CDK5RAP2: variants seen among roughly 807,000 people sequenced by gnomAD.
CDK5RAP2 encodes CDK5 regulatory subunit associated protein 2.
In CDK5RAP2, 147 loss-of-function variants were observed where a neutral mutation model predicts 232.9. The ratio of observed to expected loss-of-function variants is 0.63; its 90% CI spans 0.55 to 0.72. The LOEUF is 0.72. CDK5RAP2 is among the 30% of genes least tolerant of loss of function. CDK5RAP2 has a pLI of 0.00. For missense variants in CDK5RAP2, 2,195 were observed against 2,231.5 expected (o/e 0.98, Z 0.33); for synonymous variants, 833 against 833.7 (o/e 1.00, Z 0.01).
intron 20 of CDK5RAP2, among the ~76,000 whole-genome samples, chr9:120,455,473 G>C (rs1170806711): frequency 6.6e-6 from 1 of 152,090 alleles, no homozygotes; most frequent in African/African-American, 2.4e-5. Flanking sequence ...AGGCATCATG[G>C]TTCATGCCTA....
chr9:120,500,090 C>T (rs1294284473), intron 12 of CDK5RAP2, among the ~76,000 whole-genome samples: 1 of 152,212 alleles, frequency 6.6e-6, no homozygotes, highest in Non-Finnish European at 1.5e-5. Flanking sequence ...CAACTTGGCT[C>T]TGCTCATCCT....
chr9:120,445,846 T>C (rs752298924), intron 22 of CDK5RAP2, among the ~76,000 whole-genome samples: 1 of 152,170 alleles, frequency 6.6e-6, no homozygotes, highest in Non-Finnish European at 1.5e-5. Flanking sequence ...TACCCTTGAC[T>C]CCAGACTCAT....
Position 120,403,708 on chromosome 9 carries a change from CCT to C in CDK5RAP2, c.5041+326_5041+327del. On this transcript the variant is annotated intron_variant, in intron 33 of 37. Transcript: ENST00000349780. The surrounding 1 kb of genome is among the most constrained non-coding windows in gnomAD (Gnocchi z 4.2). ...TGGGCCTGTCTGCAGGATGGTGACC[CCT>C]GTGTGGCTACACCAGGTTAAGGGAT... is the stretch of plus-strand genomic sequence containing the variant. 1 of 411,680 alleles carries C rather than the reference CCT, an allele frequency of 2.4e-6. No homozygotes were observed. The highest frequency in any genetic ancestry group is 4.6e-6 in the Non-Finnish European group (1 of 219,354). 25.5% of individuals were successfully genotyped at this position (411,680 alleles called of 1,614,324 possible).
intron 12 of CDK5RAP2, among the ~76,000 whole-genome samples, chr9:120,494,558 TAAC>T (rs2039064440): frequency 6.6e-6 from 1 of 152,160 alleles, no homozygotes; most frequent in South Asian, 2.1e-4. Context: ...TAATGGCTTA[TAAC>T]TTATAGAGTA....
intron 3 of CDK5RAP2, among the ~76,000 whole-genome samples, chr9:120,553,723 G>A (rs2042127593): frequency 6.6e-6 from 1 of 152,054 alleles, no homozygotes; most frequent in African/African-American, 2.4e-5. Flanking sequence ...TGATTTGTGG[G>A]TATGCCTGCA....
intron 7 of CDK5RAP2, among the ~76,000 whole-genome samples, chr9:120,530,826 G>A (rs1162389907): frequency 1.5e-5 from 2 of 135,538 alleles, no homozygotes; most frequent in Non-Finnish European, 3.1e-5. Context: ...TTGGACACAG[G>A]AAGGGGAACA....
At chr9:120,498,718 A>AAT (rs145678067) in intron 12 of CDK5RAP2, among the ~76,000 whole-genome samples, 3,922 of 147,130 alleles carry the variant, frequency 0.027, 59 homozygotes, top group African/African-American at 0.043. Context: ...AAAGGCTTTA[A>AAT]ATATATATAT....
chr9:120,432,916 T>G (rs963453183), intron 25 of CDK5RAP2, among the ~76,000 whole-genome samples: 3 of 152,184 alleles, frequency 2.0e-5, no homozygotes, highest in African/African-American at 7.2e-5. Context: ...AGGACCCAGA[T>G]AGTTCTCCAC....
chr9:120,535,508 T>C (rs1162427203), intron 7 of CDK5RAP2, among the ~76,000 whole-genome samples: 2 of 152,266 alleles, frequency 1.3e-5, no homozygotes, highest in African/African-American at 4.8e-5. Flanking sequence ...ACAGATCATT[T>C]GCTTTAGAAC....
intron 20 of CDK5RAP2, among the ~76,000 whole-genome samples, chr9:120,455,736 CAAAA>C (rs774549079): frequency 7.6e-6 from 1 of 131,508 alleles, no homozygotes; most frequent in Non-Finnish European, 1.7e-5. Context: ...AACCTTGTGT[CAAAA>C]AAAAAAAAAA....
intron 3 of CDK5RAP2, among the ~76,000 whole-genome samples, chr9:120,557,976 G>A (rs1483579432): frequency 6.7e-6 from 1 of 149,254 alleles, no homozygotes; most frequent in Non-Finnish European, 1.5e-5. Context: ...ATGTTGGCCA[G>A]GCTGATCTCG....
At chr9:120,503,998 T>A (rs1209281688) in intron 12 of CDK5RAP2, among the ~76,000 whole-genome samples, 1 of 152,182 alleles carries the variant, frequency 6.6e-6, no homozygotes, top group Non-Finnish European at 1.5e-5. Context: ...GTGCTTTTCA[T>A]GGCCAAGAGT....
chr9:120,400,218 C>A (rs1254137527), intron 35 of CDK5RAP2, among the ~76,000 whole-genome samples: 1 of 152,176 alleles, frequency 6.6e-6, no homozygotes, highest in Non-Finnish European at 1.5e-5. Context: ...CTCTGCCTGA[C>A]TCCTGGTTTG....
At chr9:120,574,990 G>A (rs1385300752) in intron 1 of CDK5RAP2, among the ~76,000 whole-genome samples, 2 of 152,010 alleles carry the variant, frequency 1.3e-5, no homozygotes, top group East Asian at 1.9e-4. Context: ...GTTAAGGGCC[G>A]AATGGACTGA....
chr9:120,495,811 A>G (rs1190018859), intron 12 of CDK5RAP2, among the ~76,000 whole-genome samples: 11 of 38,224 alleles, frequency 2.9e-4, no homozygotes, highest in East Asian at 1.3e-3. Flanking sequence ...TGGGGGGGTC[A>G]GCCCCCCGCC....
At chr9:120,570,498 C>T (rs906718421) in intron 2 of CDK5RAP2, among the ~76,000 whole-genome samples, 3 of 152,182 alleles carry the variant, frequency 2.0e-5, no homozygotes, top group Non-Finnish European at 4.4e-5. Flanking sequence ...AATTTTAGCA[C>T]TGAGCCCAGA....
Position 120,458,630 on chromosome 9 carries a change from T to C in CDK5RAP2, c.2203-8A>G, listed in dbSNP as rs371141302. 35 of 1,613,430 alleles carry C rather than the reference T, an allele frequency of 2.2e-5. No individual in the cohort carries two copies. The highest frequency in any genetic ancestry group is 3.0e-5 in the Non-Finnish European group (35 of 1,179,502). Reference sequence around the variant, plus strand: ...GGAAAGGTCTTTCATAATCTGCAAATAAAAGTATTTGGTCAAATAATGGAA... The same window carrying C: ...GGAAAGGTCTTTCATAATCTGCAAACAAAAGTATTTGGTCAAATAATGGAA... On this transcript the variant is annotated splice_polypyrimidine_tract_variant and splice_region_variant and intron_variant, in intron 19 of 37. Transcript: ENST00000349780.
chr9:120,439,955 G>C lies in CDK5RAP2; in HGVS notation c.3166C>G (p.Pro1056Ala), dbSNP rs1383221962. The change falls in exon 24 of 38, where the codon CCT becomes GCT. Residue 1056 changes from proline to alanine, a missense_variant. By Grantham distance (27) the Pro-to-Ala change is conservative. Coordinates refer to ENST00000349780, the MANE Select transcript of CDK5RAP2 (RefSeq NM_018249.6). ...SYEIDSEICP[P>A]DDLASLPSCK... ...GATGGCAAGCTGGCAAGGTCATCAG[G>C]TGGGCAAATCTCAGAGTCTGAAAAT... 6.2e-7 allele frequency: 1 copy of C among 1,613,846 alleles called. No homozygotes were observed. The highest frequency in any genetic ancestry group is 1.3e-5 in the African/African-American group (1 of 75,022).
chr9:120,390,530 G>T (rs1345341715), intron 36 of CDK5RAP2, among the ~76,000 whole-genome samples: 2 of 152,202 alleles, frequency 1.3e-5, no homozygotes, highest in Admixed American at 1.3e-4. Context: ...GGGCAGGCGA[G>T]CCCTGGCTTT....
Sources: allele counts gnomAD v4.1 joint callset (sites outside exome capture counted in the v4.1 genomes callset), GRCh38; gene constraint gnomAD v4.1.1; non-coding constraint Gnocchi (gnomAD v3.1); transcripts MANE v1.5; gene names NCBI Gene and HGNC (gene_info 2026-07-23, HGNC 2026-07-21).